AP1S3: variants seen among roughly 807,000 people sequenced by gnomAD.
AP1S3 encodes the protein AP-1 complex subunit sigma-3.
AP1S3 carries 10 observed loss-of-function variants against 20.9 expected under a neutral mutation model. The ratio of observed to expected loss-of-function variants is 0.48; its 90% CI spans 0.29 to 0.81. The LOEUF is 0.81. AP1S3 is among the 30% of genes least tolerant of loss of function. AP1S3 has a pLI of 0.08. For missense variants in AP1S3, 154 were observed against 183.8 expected (o/e 0.84, Z 0.94); for synonymous variants, 41 against 61.5 (o/e 0.67, Z 1.56).
At chr2:223,822,592 G>A (rs1221660974) in intron 1 of AP1S3, among the ~76,000 whole-genome samples, 2 of 152,020 alleles carry the variant, frequency 1.3e-5, no homozygotes. Context: ...GCTGAGGCAG[G>A]AGAATCGCTT....
chr2:223,788,777 A>AG (rs1279022673), intron 1 of AP1S3, among the ~76,000 whole-genome samples: 1,846 of 150,292 alleles, frequency 0.012, 42 homozygotes, highest in African/African-American at 0.043. Context: ...AAAAAAAAAA[A>AG]AAAAGAAGAA....
At chr2:223,805,937 A>G (rs1559140083) in intron 1 of AP1S3, among the ~76,000 whole-genome samples, 1 of 152,218 alleles carries the variant, frequency 6.6e-6, no homozygotes, top group African/African-American at 2.4e-5. Flanking sequence ...GGCCAACTGC[A>G]GAAGCAAAAA....
At chr2:223,806,325 C>G (rs1263198437) in intron 1 of AP1S3, among the ~76,000 whole-genome samples, 2 of 143,652 alleles carry the variant, frequency 1.4e-5, no homozygotes, top group African/African-American at 5.3e-5. Context: ...ACTCTGTCAC[C>G]CAGGCTGGAG....
chr2:223,793,854 G>A (rs1350748674), intron 1 of AP1S3, among the ~76,000 whole-genome samples: 1 of 151,786 alleles, frequency 6.6e-6, no homozygotes, highest in Non-Finnish European at 1.5e-5. Context: ...ATGCTGGCCA[G>A]GCTCGTCTCG....
intron 3 of AP1S3, among the ~76,000 whole-genome samples, chr2:223,774,284 G>T (rs1353585582): frequency 1.3e-5 from 2 of 152,118 alleles, no homozygotes; most frequent in Non-Finnish European, 2.9e-5. Flanking sequence ...AAGATCGCTT[G>T]AACTCGGGAG....
chr2:223,780,353 AGAGAGTGT>A (rs1212052642), intron 1 of AP1S3, among the ~76,000 whole-genome samples: 14 of 58,580 alleles, frequency 2.4e-4, no homozygotes, highest in African/African-American at 9.1e-4. Flanking sequence ...AGAGAGAGAG[AGAGAGTGT>A]GTGTGTGTGT....
At position 223,769,627 on chromosome 2, in the gene AP1S3, T is replaced by A. The variant is rs565754180; in HGVS notation, c.292-4277A>T. ...GTATATGTTTCAGCTATGTAGAAGC[T>A]GAAAAGAATAAGGTAGATTTACATG... On this transcript the variant is annotated intron_variant, in intron 3 of 4. Coordinates refer to ENST00000396654, the MANE Select transcript of AP1S3 (RefSeq NM_001039569.2). Among the ~76,000 whole-genome samples the A allele has an allele frequency of 2.3e-4, 35 of 151,940 alleles. No homozygotes were observed. In the East Asian group the frequency reaches 4.2e-3, roughly 18 times the overall value.
At chr2:223,776,364 C>T (rs1690784600) in intron 2 of AP1S3, among the ~76,000 whole-genome samples, 1 of 152,178 alleles carries the variant, frequency 6.6e-6, no homozygotes, top group Non-Finnish European at 1.5e-5. Flanking sequence ...CTGACCAGTG[C>T]TGTCAGGAGC....
In AP1S3 at chr2:223,831,005, C is replaced by T. The variant is rs991234904; in HGVS notation, c.3+6443G>A. Among the ~76,000 whole-genome samples, 9 of 152,280 alleles carry T rather than the reference C, an allele frequency of 5.9e-5. No homozygotes were observed. The East Asian group carries it at 1.7e-3, about 29-fold the overall frequency. Reference sequence around the variant, plus strand: ...GATTTTTAATTTACCTTATTGCTAGCAGCGATACAAGAAATACATTTTTTT... The same window carrying T: ...GATTTTTAATTTACCTTATTGCTAGTAGCGATACAAGAAATACATTTTTTT... On this transcript the variant is annotated intron_variant, in intron 1 of 4. Coordinates refer to ENST00000396654, the MANE Select transcript of AP1S3 (RefSeq NM_001039569.2).
At chr2:223,810,803 T>C (rs1201442677) in intron 1 of AP1S3, among the ~76,000 whole-genome samples, 3 of 152,282 alleles carry the variant, frequency 2.0e-5, no homozygotes, top group East Asian at 3.9e-4. Context: ...AAACTCCTAA[T>C]AAAGTAGGTA....
intron 1 of AP1S3, among the ~76,000 whole-genome samples, chr2:223,800,648 T>C (rs917645220): frequency 6.6e-6 from 1 of 152,114 alleles, no homozygotes; most frequent in Non-Finnish European, 1.5e-5. Flanking sequence ...CAATTCATGA[T>C]AAAACTTCTT....
intron 1 of AP1S3, among the ~76,000 whole-genome samples, chr2:223,813,910 C>T (rs1559142854): frequency 1.3e-5 from 2 of 152,176 alleles, no homozygotes; most frequent in Admixed American, 1.3e-4. Context: ...AAGCACATGT[C>T]CTATTCCAAG....
chr2:223,774,960 C>T (rs1277940072), intron 3 of AP1S3, among the ~76,000 whole-genome samples: 1 of 128,602 alleles, frequency 7.8e-6, no homozygotes, highest in Admixed American at 8.0e-5. Flanking sequence ...GAGATGAGGG[C>T]ATTTAGGGCT....
At chr2:223,820,610 T>TA (rs1691964196) in intron 1 of AP1S3, among the ~76,000 whole-genome samples, 1 of 150,574 alleles carries the variant, frequency 6.6e-6, no homozygotes, top group Non-Finnish European at 1.5e-5. Flanking sequence ...CAGCACCTAT[T>TA]ACTTTATTCA....
chr2:223,795,048 G>C (rs553714455), intron 1 of AP1S3, among the ~76,000 whole-genome samples: 1 of 152,248 alleles, frequency 6.6e-6, no homozygotes, highest in East Asian at 1.9e-4. Context: ...TCAGGAGTTG[G>C]AGACCAGGCT....
intron 1 of AP1S3, among the ~76,000 whole-genome samples, chr2:223,827,871 C>A (rs1692168113): frequency 6.6e-6 from 1 of 151,316 alleles, no homozygotes; most frequent in Non-Finnish European, 1.5e-5. Context: ...ACCAGCCTGG[C>A]CAACATGGTG....
At chr2:223,789,077 A>C (rs147168090) in intron 1 of AP1S3, among the ~76,000 whole-genome samples, 1 of 152,126 alleles carries the variant, frequency 6.6e-6, no homozygotes, top group African/African-American at 2.4e-5. Flanking sequence ...GTAGAGGACA[A>C]GAGTCCCAGG....
At chr2:223,829,852 A>G (rs979610480) in intron 1 of AP1S3, among the ~76,000 whole-genome samples, 7 of 134,280 alleles carry the variant, frequency 5.2e-5, no homozygotes, top group Admixed American at 3.7e-4. Flanking sequence ...AAAACAAAAA[A>G]AAAACAAAAA....
At chr2:223,791,002 C>A (rs184847205) in intron 1 of AP1S3, among the ~76,000 whole-genome samples, 3 of 152,206 alleles carry the variant, frequency 2.0e-5, no homozygotes, top group Non-Finnish European at 4.4e-5. Flanking sequence ...ACCAATAGAC[C>A]AATAACTTGT....
Sources: allele counts gnomAD v4.1 joint callset (sites outside exome capture counted in the v4.1 genomes callset), GRCh38; gene constraint gnomAD v4.1.1; transcripts MANE v1.5; gene names NCBI Gene and HGNC (gene_info 2026-07-23, HGNC 2026-07-21).